The following UBE2V2 variants were observed in gnomAD, a reference collection of about 807,000 sequenced individuals.
UBE2V2 encodes the protein ubiquitin-conjugating enzyme E2 variant 2.
Under a neutral mutation model 17.2 loss-of-function variants are expected in UBE2V2, and 9 were observed. The observed-to-expected ratio is 0.52, with a 90% CI of 0.32 to 0.91. The LOEUF is 0.91. Ranked by LOEUF, UBE2V2 falls within the 40% of genes least tolerant of loss-of-function variation. UBE2V2 has a pLI of 0.04. For missense variants in UBE2V2, 133 were observed against 182.6 expected (o/e 0.73, Z 1.56); for synonymous variants, 61 against 57.5 (o/e 1.06, Z -0.28).
intron 1 of UBE2V2, among the ~76,000 whole-genome samples, chr8:48,037,157 C>T (rs1240118994): frequency 6.6e-6 from 1 of 152,184 alleles, no homozygotes; most frequent in African/African-American, 2.4e-5. Flanking sequence ...CTGTCCTGGG[C>T]GACAAGAGCA....
chr8:48,031,319 G>A (rs1360114712), intron 1 of UBE2V2, among the ~76,000 whole-genome samples: 2 of 152,150 alleles, frequency 1.3e-5, no homozygotes, highest in Admixed American at 1.3e-4. Flanking sequence ...CTTTTCTGAA[G>A]TAAAACTACT....
Position 48,049,934 on chromosome 8 carries a change from G to C in UBE2V2, c.247G>C (p.Val83Leu), listed in dbSNP as rs889332398. 1.3e-6 allele frequency: 2 copies of C among 1,580,874 alleles called. No individual in the cohort carries two copies. The highest frequency in any genetic ancestry group is 8.6e-7 in the Non-Finnish European group (1 of 1,167,618). Residue 83 changes from valine to leucine, a missense_variant, in exon 3 of 4, where the codon GTA (valine) becomes CTA (leucine). Around this residue, in one of 3 missense-constraint regions of UBE2V2, gnomAD observed 92 missense variants for 124.3 expected, o/e 0.74. Coordinates refer to ENST00000523111, the MANE Select transcript of UBE2V2 (RefSeq NM_003350.3). ...AGAAGCTCCTCCGTCAGTTAGATTT[G>C]TAACAAAAATTAATATGAACGGAAT... ...YPEAPPSVRFVTKINMNGINN... is the reference protein window; with the variant it reads ...YPEAPPSVRFLTKINMNGINN...
At chr8:47,997,517 T>C in the UBE2V2 span, among the ~76,000 whole-genome samples, 1 of 151,836 alleles carries the variant, frequency 6.6e-6, no homozygotes, top group African/African-American at 2.4e-5. Flanking sequence ...AGAAGGAGGG[T>C]AGAATACAGA....
intron 1 of UBE2V2, among the ~76,000 whole-genome samples, chr8:48,017,757 G>T (rs184567907): frequency 6.6e-6 from 1 of 151,534 alleles, no homozygotes; most frequent in Non-Finnish European, 1.5e-5. Flanking sequence ...TTTGTTGAGT[G>T]TGCTTTTGAG....
In UBE2V2 at chr8:48,063,720, G is replaced by T. The variant is rs1177565174; in HGVS notation, c.*2892G>T. 6.6e-6 allele frequency: 1 copy of T among 152,076 alleles called. No individual in the cohort carries two copies. Among genetic ancestry groups the T allele is most frequent in the African/African-American group, 2.4e-5 (1 of 41,414 alleles). The allele number at this position is 152,076 out of a possible 1,614,324, so 9.4% of individuals were successfully genotyped here. On this transcript the variant is annotated 3_prime_UTR_variant, in exon 4 of 4. Transcript: ENST00000523111. ...TAAACATTTTGAAGGATAGTCAATG[G>T]TATTTAGTCTTGGATATAAAAATAG... is the stretch of plus-strand genomic sequence containing the variant.
chr8:48,032,349 T>C (rs1026800453), intron 1 of UBE2V2, among the ~76,000 whole-genome samples: 6 of 152,224 alleles, frequency 3.9e-5, no homozygotes, highest in Non-Finnish European at 7.3e-5. Context: ...AGCAAAAGAA[T>C]ATTACCTTCT....
intron 3 of UBE2V2, among the ~76,000 whole-genome samples, chr8:48,055,494 CCTG>C (rs1199352250): frequency 1.1e-4 from 16 of 152,004 alleles, no homozygotes; most frequent in Non-Finnish European, 1.8e-4. Context: ...AGCCATTGCG[CCTG>C]CTGTTAGTTT....
intron 1 of UBE2V2, among the ~76,000 whole-genome samples, chr8:48,032,315 G>A (rs951475878): frequency 5.9e-5 from 9 of 151,954 alleles, no homozygotes; most frequent in African/African-American, 1.9e-4. Flanking sequence ...TTGAAAATTG[G>A]TTTATCTGGT....
At chr8:48,007,918 C>T (rs936847962), upstream of UBE2V2, among the ~76,000 whole-genome samples, 1 of 151,858 alleles carries the variant, frequency 6.6e-6, no homozygotes, top group Non-Finnish European at 1.5e-5. Context: ...TGTCAATGCC[C>T]ACTTATTTTT....
At chr8:48,001,033 T>C in the UBE2V2 span, among the ~76,000 whole-genome samples, 4 of 152,158 alleles carry the variant, frequency 2.6e-5, no homozygotes, top group African/African-American at 9.6e-5. Context: ...TAAACAGCAC[T>C]TTGTGGATTG....
In UBE2V2 at chr8:48,060,141, C is replaced by T. The variant is rs554282623; in HGVS notation, c.292-541C>T. 4.8e-4 allele frequency among the ~76,000 whole-genome samples: 63 copies of T among 131,118 alleles called. 1 individual carries two copies. The Admixed American group carries it at 5.5e-3, about 11-fold the overall frequency. 86.0% of individuals were successfully genotyped at this position (131,118 alleles called of 152,430 possible). ...AGGAGAATTTCTTGAACCTGGGAGG[C>T]GGAAGTTGCAGTGAGCCAGGATCGC... On this transcript the variant is annotated intron_variant, in intron 3 of 3. Coordinates refer to ENST00000523111, the MANE Select transcript of UBE2V2 (RefSeq NM_003350.3).
chr8:48,027,984 G>T (rs1456696439), intron 1 of UBE2V2, among the ~76,000 whole-genome samples: 1 of 151,808 alleles, frequency 6.6e-6, no homozygotes, highest in Non-Finnish European at 1.5e-5. Context: ...CTCCCAAGTA[G>T]CTGGGATTAC....
At chr8:48,050,651 T>A (rs2091530836) in intron 3 of UBE2V2, 1 of 146,966 alleles carries the variant, frequency 6.8e-6, no homozygotes, top group Admixed American at 7.0e-5. Flanking sequence ...ATTGTGCCAC[T>A]GCACTCCAGC....
intron 1 of UBE2V2, among the ~76,000 whole-genome samples, chr8:48,036,795 C>T (rs2091428079): frequency 1.3e-5 from 2 of 152,034 alleles, no homozygotes; most frequent in Non-Finnish European, 2.9e-5. Flanking sequence ...TGTGGGGGTA[C>T]ATGTGATCTT....
chr8:48,032,094 G>C (rs1589856904), intron 1 of UBE2V2, among the ~76,000 whole-genome samples: 1 of 152,026 alleles, frequency 6.6e-6, no homozygotes, highest in East Asian at 1.9e-4. Flanking sequence ...TCTTAGATTT[G>C]ATCAAAGACA....
At chr8:48,051,004 G>A (rs929548875) in intron 3 of UBE2V2, among the ~76,000 whole-genome samples, 29 of 152,130 alleles carry the variant, frequency 1.9e-4, no homozygotes, top group Admixed American at 5.2e-4. Context: ...ATGCCACCAA[G>A]CCCATCTAAT....
chr8:48,027,934 A>G (rs947840279), intron 1 of UBE2V2, among the ~76,000 whole-genome samples: 7 of 151,234 alleles, frequency 4.6e-5, no homozygotes, highest in African/African-American at 1.7e-4. Context: ...GCTCACTGCA[A>G]CCTCTGCCTC....
upstream of UBE2V2, among the ~76,000 whole-genome samples, chr8:48,006,412 T>C (rs1337975572): frequency 6.6e-6 from 1 of 152,156 alleles, no homozygotes; most frequent in Non-Finnish European, 1.5e-5. Flanking sequence ...TTTTTTTTAC[T>C]GTAGCCTCGC....
intron 3 of UBE2V2, among the ~76,000 whole-genome samples, chr8:48,059,165 A>T (rs1430043033): frequency 6.6e-6 from 1 of 151,806 alleles, no homozygotes; most frequent in African/African-American, 2.4e-5. Context: ...GAACTCCTGA[A>T]CTCAGGCAAT....
Sources: gnomAD v4.1 joint callset for allele counts (sites outside exome capture counted in the v4.1 genomes callset) on GRCh38, gnomAD v4.1.1 for gene constraint, gnomAD v4.1.1 regional missense constraint, MANE v1.5 for transcripts, NCBI Gene and HGNC (gene_info 2026-07-23, HGNC 2026-07-21) for gene names.